Variants in MAN2A1 observed in about 807,000 individuals in gnomAD.
The protein encoded by MAN2A1 is alpha-mannosidase 2.
In MAN2A1, 76 loss-of-function variants were observed where a neutral mutation model predicts 142.6. The ratio of observed to expected loss-of-function variants is 0.53; its 90% CI spans 0.44 to 0.65. MAN2A1 has a LOEUF of 0.65. MAN2A1 is among the 30% of genes least tolerant of loss of function. The pLI is 0.00. For missense variants in MAN2A1, 1,311 were observed against 1,365.1 expected, an observed-to-expected ratio of 0.96 and a Z score of 0.62; for synonymous variants, 559 against 473.2, an observed-to-expected ratio of 1.18 and a Z score of -2.35.
At chr5:109,820,423 A>G in intron 15 of MAN2A1, 81 bp downstream of exon 15, 1 of 1,334,638 alleles carries the variant, frequency 7.5e-7, no homozygotes, top group Non-Finnish European at 1.0e-6. Context: ...GAGTGTCATT[A>G]TTTTATCATC....
intron 13 of MAN2A1, among the ~76,000 whole-genome samples, chr5:109,819,369 CTCT>C (rs1402098469): frequency 6.6e-6 from 1 of 152,158 alleles, no homozygotes; most frequent in Non-Finnish European, 1.5e-5. Context: ...TGCACACATC[CTCT>C]TGTGTATTTT....
At chr5:109,809,796 A>C (rs887631573) in intron 12 of MAN2A1, among the ~76,000 whole-genome samples, 1 of 152,082 alleles carries the variant, frequency 6.6e-6, no homozygotes, top group Admixed American at 6.6e-5. Context: ...ATTCTCAGCT[A>C]TTCAGGTAAT....
At chr5:109,710,534 T>C (rs1447405516) in intron 1 of MAN2A1, among the ~76,000 whole-genome samples, 1 of 152,020 alleles carries the variant, frequency 6.6e-6, no homozygotes, top group Non-Finnish European at 1.5e-5. Flanking sequence ...AGACGGAGTC[T>C]CGCTTTATCG....
intron 4 of MAN2A1, among the ~76,000 whole-genome samples, chr5:109,729,991 TGG>T (rs1312936990): frequency 3.9e-5 from 6 of 151,996 alleles, no homozygotes; most frequent in African/African-American, 1.4e-4. Flanking sequence ...GACTCTGCCT[TGG>T]GGGAAAAAAA....
chr5:109,690,909 C>T (rs1478485748), intron 1 of MAN2A1, among the ~76,000 whole-genome samples: 5 of 152,146 alleles, frequency 3.3e-5, no homozygotes, highest in African/African-American at 1.2e-4. Flanking sequence ...CCGCGTATCC[C>T]GGTGGGGTCG....
rs1301744159 is a variant in MAN2A1, at chr5:109,865,162, T to C, written c.3282+16T>C. 6.4e-7 allele frequency: 1 copy of C among 1,567,796 alleles called. No individual in the cohort carries two copies. Among genetic ancestry groups the C allele is most frequent in the East Asian group, 2.2e-5 (1 of 44,632 alleles). On this transcript the variant is annotated intron_variant, in intron 21 of 21. Transcript: ENST00000261483. ...TCAGGGAAAGGTAAGTTGAAAAGGT[T>C]ATTTTTGCTTACTGTTAGTGTGCTT... is the stretch of plus-strand genomic sequence containing the variant.
chr5:109,767,759 A>C, intron 6 of MAN2A1, 51 bp downstream of exon 6: 3 of 1,507,992 alleles, frequency 2.0e-6, no homozygotes, highest in East Asian at 2.3e-5. Flanking sequence ...ATACTATTTC[A>C]CAAGGGTTAT....
intron 16 of MAN2A1, among the ~76,000 whole-genome samples, chr5:109,841,492 A>G (rs1008010126): frequency 4.6e-5 from 7 of 152,062 alleles, no homozygotes; most frequent in Admixed American, 2.6e-4. Flanking sequence ...TTTTTATCTC[A>G]TACACCCTTG....
In MAN2A1 at chr5:109,826,979, A is replaced by G. The variant is rs146758634; in HGVS notation, c.2566+3142A>G. Among the ~76,000 whole-genome samples, 238 of 152,354 alleles carry G rather than the reference A, an allele frequency of 1.6e-3. 1 individual carries two copies. The highest frequency in any genetic ancestry group is 5.4e-3 in the African/African-American group (224 of 41,584). On this transcript the variant is annotated intron_variant, in intron 16 of 21. Transcript: ENST00000261483. Reference sequence around the variant, plus strand: ...TGTTGTAGATTGGCTTTTAGCTAGTATTGCATAAAATAACAAAAAATATTT... The same window carrying G: ...TGTTGTAGATTGGCTTTTAGCTAGTGTTGCATAAAATAACAAAAAATATTT...
At chr5:109,748,207 G>T (rs922057909) in intron 4 of MAN2A1, among the ~76,000 whole-genome samples, 1 of 152,186 alleles carries the variant, frequency 6.6e-6, no homozygotes, top group Non-Finnish European at 1.5e-5. Context: ...GTTATTGCCA[G>T]CAGTATGTGA....
At chr5:109,733,893 G>A (rs2112591727) in intron 4 of MAN2A1, among the ~76,000 whole-genome samples, 1 of 152,198 alleles carries the variant, frequency 6.6e-6, no homozygotes, top group Non-Finnish European at 1.5e-5. Context: ...AGTTAGGGAG[G>A]ATTCCCTCTT....
In MAN2A1 at chr5:109,855,268, C is replaced by T. The variant is rs1755579570; in HGVS notation, c.3105C>T (p.Phe1035=). ...CTACCCTTGAGCTGCAAGGTGAATTCTCTCCATTACAGTCATCTTTGCCTT... is the reference window on the plus strand; with the variant it reads ...CTACCCTTGAGCTGCAAGGTGAATTTTCTCCATTACAGTCATCTTTGCCTT... The part of the protein sequence containing the change: ...SSPTLELQGE[F]SPLQSSLPCD... Residue 1035 remains phenylalanine, a synonymous_variant, in exon 20 of 22, where the codon TTC becomes TTT. Transcript: ENST00000261483. The T allele has an allele frequency of 3.7e-6, 6 of 1,606,584 alleles. No homozygotes were observed. The highest frequency in any genetic ancestry group is 2.5e-6 in the Non-Finnish European group (3 of 1,177,460).
intron 10 of MAN2A1, among the ~76,000 whole-genome samples, chr5:109,788,067 C>G (rs1582897596): frequency 6.6e-6 from 1 of 151,660 alleles, no homozygotes; most frequent in South Asian, 2.1e-4. Flanking sequence ...ACAAAAATGT[C>G]TTCAAGGCAT....
chr5:109,858,804 G>C (rs770480494), intron 20 of MAN2A1, among the ~76,000 whole-genome samples: 2 of 152,196 alleles, frequency 1.3e-5, no homozygotes, highest in African/African-American at 2.4e-5. Context: ...CTGTCTAAAG[G>C]TTTCTCAATT....
intron 19 of MAN2A1, among the ~76,000 whole-genome samples, chr5:109,849,527 A>G (rs1022958106): frequency 5.3e-5 from 8 of 152,138 alleles, no homozygotes; most frequent in African/African-American, 1.9e-4. Flanking sequence ...CTTTTCTCAC[A>G]GAGTAATTGC....
chr5:109,793,272 T>C (rs577296555), intron 12 of MAN2A1, among the ~76,000 whole-genome samples: 2 of 152,276 alleles, frequency 1.3e-5, no homozygotes, highest in East Asian at 3.9e-4. Context: ...CTCATATGGC[T>C]GGCAGTTAAT....
At chr5:109,817,139 C>T (rs1418865795) in intron 12 of MAN2A1, 134 bp from the exon 13 acceptor site, 3 of 821,438 alleles carry the variant, frequency 3.7e-6, no homozygotes, top group Non-Finnish European at 5.6e-6. Flanking sequence ...GCACTCCAGC[C>T]TGGGTGACAG....
chr5:109,767,672 C>T lies in MAN2A1; in HGVS notation c.973C>T (p.His325Tyr). ...HYAVKKHFALHKTLEFFWRQN... is the reference protein window; with the variant it reads ...HYAVKKHFALYKTLEFFWRQN... ...TGCAGTTAAAAAACACTTTGCACTG[C>T]ATAAAACATTGGAGTTTTTTTGGAG... The change falls in exon 6 of 22, where the codon CAT (histidine) becomes TAT (tyrosine). Residue 325 changes from histidine (H) to tyrosine (Y), a missense_variant. His to Tyr is a moderately conservative substitution (Grantham distance 83). Transcript: ENST00000261483. 1 of 1,613,256 alleles carries T rather than the reference C, an allele frequency of 6.2e-7. No homozygotes were observed.
intron 5 of MAN2A1, among the ~76,000 whole-genome samples, chr5:109,762,701 T>C (rs1488051927): frequency 6.6e-6 from 1 of 152,178 alleles, no homozygotes; most frequent in East Asian, 1.9e-4. Flanking sequence ...GATGTACTTA[T>C]GACTCTTAGC....
Sources: allele counts gnomAD v4.1 joint callset (sites outside exome capture counted in the v4.1 genomes callset), GRCh38; gene constraint gnomAD v4.1.1; transcripts MANE v1.5; gene names NCBI Gene and HGNC (gene_info 2026-07-23, HGNC 2026-07-21).